MATN2: variants seen among roughly 807,000 people sequenced by gnomAD.
The protein encoded by MATN2 is matrilin-2.
Under a neutral mutation model 103.2 loss-of-function variants are expected in MATN2, and 69 were observed. The observed-to-expected ratio is 0.67, with a 90% CI of 0.55 to 0.82. MATN2 has a LOEUF of 0.82. MATN2 is among the 40% of genes least tolerant of loss of function. MATN2 has a pLI of 0.00. For synonymous variants in MATN2, 429 were observed against 450.2 expected, an observed-to-expected ratio of 0.95 and a Z score of 0.60; for missense variants, 1,023 against 1,211.5, an observed-to-expected ratio of 0.84 and a Z score of 2.31.
rs78231817 is a variant in MATN2 at position 97,989,682 on chromosome 8, G to T, written c.1082-4798G>T. Among the ~76,000 whole-genome samples, 12 of 151,900 alleles carry T rather than the reference G, an allele frequency of 7.9e-5. No individual in the cohort carries two copies. In the East Asian group the frequency reaches 2.3e-3, roughly 29 times the overall value. ...TAAGACAGAGAAAGATCAATAAATG[G>T]TACCTAGATTGTTAAAAAAAAACAC... On this transcript the variant is annotated intron_variant, in intron 6 of 18. Transcript: ENST00000254898.
chr8:97,928,816 A>C (rs1489402173), intron 2 of MATN2, among the ~76,000 whole-genome samples: 5 of 152,188 alleles, frequency 3.3e-5, no homozygotes, highest in African/African-American at 7.2e-5. Flanking sequence ...AACGAGGTGG[A>C]TATTGGTTGC....
Position 98,005,830 on chromosome 8 carries a change from T to C in MATN2, c.1328-1275T>C, listed in dbSNP as rs1232970736. Among the ~76,000 whole-genome samples the C allele has an allele frequency of 6.6e-6, 1 of 152,232 alleles. No homozygotes were observed. Among genetic ancestry groups the C allele is most frequent in the Non-Finnish European group, 1.5e-5 (1 of 68,042 alleles). ...AAGGGCAAACTGTGACACAAAGGGA[T>C]TAAGTCACTGTCCTGGGGTCCTGTG... On this transcript the variant is annotated intron_variant, in intron 8 of 18. Coordinates refer to ENST00000254898, the MANE Select transcript of MATN2 (RefSeq NM_002380.5). The surrounding 1 kb of genome is among the most constrained non-coding windows in gnomAD (Gnocchi z 4.6).
At chr8:98,034,874 A>G (rs1814178808) in intron 18 of MATN2, among the ~76,000 whole-genome samples, 1 of 151,774 alleles carries the variant, frequency 6.6e-6, no homozygotes, top group South Asian at 2.1e-4. Flanking sequence ...GTGCTATGGC[A>G]AACTAATTTG....
At chr8:97,929,789 G>A (rs1037529) in intron 2 of MATN2, among the ~76,000 whole-genome samples, 64,378 of 151,960 alleles carry the variant, frequency 0.42, 14,783 homozygotes, top group East Asian at 0.83. Context: ...TCCAGAAATT[G>A]TGTATACCAT....
intron 14 of MATN2, among the ~76,000 whole-genome samples, chr8:98,029,793 G>GTT (rs1813942483): frequency 1.3e-5 from 2 of 152,178 alleles, no homozygotes; most frequent in South Asian, 4.1e-4. Context: ...TTCTTATTGT[G>GTT]TTTTACTTTC....
At chr8:97,885,178 G>A (rs942962843) in intron 1 of MATN2, among the ~76,000 whole-genome samples, 6 of 152,170 alleles carry the variant, frequency 3.9e-5, no homozygotes, top group African/African-American at 1.2e-4. Flanking sequence ...CATATGCCTC[G>A]GAGTGGAAGT....
In MATN2 at chr8:98,027,819, C is replaced by G. The variant is rs1326953739; in HGVS notation, c.2346C>G (p.Ala782=). The G allele has an allele frequency of 6.4e-7, 1 of 1,570,188 alleles. No homozygotes were observed. Among genetic ancestry groups the G allele is most frequent in the African/African-American group, 1.4e-5 (1 of 73,134 alleles). ...QDDVSEWASK[A]KANGITMYAV... ...ACGTCTCCGAGTGGGCCAGTAAAGC[C>G]AAGGCCAATGGTAATATGGGGTGGA... Residue 782 remains alanine, a synonymous_variant, in exon 14 of 19, where the codon GCC becomes GCG. Transcript: ENST00000254898.
chr8:98,030,672 TTG>T, intron 15 of MATN2, 58 bp downstream of exon 15: 1 of 1,556,132 alleles, frequency 6.4e-7, no homozygotes, highest in Non-Finnish European at 8.7e-7. Flanking sequence ...TCCTTTTTTT[TTG>T]TTTTTTGAGA....
At chr8:97,933,535 C>T (rs1810270607) in intron 3 of MATN2, among the ~76,000 whole-genome samples, 1 of 135,084 alleles carries the variant, frequency 7.4e-6, no homozygotes, top group Non-Finnish European at 1.6e-5. Flanking sequence ...CCCCCCACCC[C>T]CGCAATCCTG....
intron 5 of MATN2, among the ~76,000 whole-genome samples, chr8:97,972,436 T>C (rs578045725): frequency 1.3e-5 from 2 of 152,306 alleles, no homozygotes; most frequent in South Asian, 4.1e-4. Context: ...AAGAGAGGTT[T>C]TGTGAGTCTG....
At chr8:97,893,196 A>G (rs1409270460) in intron 2 of MATN2, among the ~76,000 whole-genome samples, 1 of 152,178 alleles carries the variant, frequency 6.6e-6, no homozygotes, top group African/African-American at 2.4e-5. Context: ...GCAGGCTGCA[A>G]CAGGAGAAGG....
intron 10 of MATN2, among the ~76,000 whole-genome samples, chr8:98,012,603 C>T (rs1248159331): frequency 2.0e-5 from 3 of 152,072 alleles, no homozygotes; most frequent in African/African-American, 4.8e-5. Context: ...AGCCTGGGGA[C>T]GCCGGCGGGA....
In MATN2 at chr8:97,921,148, G is replaced by T. The variant is rs565880879; in HGVS notation, c.143-9805G>T. Among the ~76,000 whole-genome samples the T allele has an allele frequency of 4.3e-4, 66 of 152,274 alleles. 1 individual carries two copies. The South Asian group carries it at 0.011, about 26-fold the overall frequency. ...TTTCTGGGCCTGTCTGTGTTACTCA[G>T]CTTATTAACAGTTCCTCCCAGCATC... On this transcript the variant is annotated intron_variant, in intron 2 of 18. Transcript: ENST00000254898.
At chr8:97,915,124 C>A (rs1809578075) in intron 2 of MATN2, among the ~76,000 whole-genome samples, 1 of 152,208 alleles carries the variant, frequency 6.6e-6, no homozygotes, top group East Asian at 1.9e-4. Flanking sequence ...GTAACTGGGA[C>A]TACAGGCGCA....
At chr8:97,963,132 T>G (rs1811366921) in intron 5 of MATN2, among the ~76,000 whole-genome samples, 1 of 152,186 alleles carries the variant, frequency 6.6e-6, no homozygotes. Flanking sequence ...GAGACTCATC[T>G]CAAACAAACA....
chr8:97,892,252 GA>G (rs1278492269), intron 2 of MATN2, among the ~76,000 whole-genome samples: 273 of 137,460 alleles, frequency 2.0e-3, no homozygotes, highest in African/African-American at 4.9e-3. Context: ...AAAAAAGAAA[GA>G]AAAAAAAAAA....
Position 98,027,617 on chromosome 8 carries a change from C to T in MATN2, c.2144C>T (p.Ala715Val). The change falls in exon 14 of 19, where the codon GCC becomes GTC. Residue 715 changes from alanine (A) to valine (V), a missense_variant. Physicochemically the swap from Ala to Val is moderately conservative, Grantham distance 64. Transcript: ENST00000254898. ...TEFTLRNFNS[A>V]KDMKKAVAHM... ...TTCACTCTGAGAAACTTCAACTCAGCCAAAGACATGAAAAAAGCCGTGGCC... is the reference window on the plus strand; with the variant it reads ...TTCACTCTGAGAAACTTCAACTCAGTCAAAGACATGAAAAAAGCCGTGGCC... 6.2e-7 allele frequency: 1 copy of T among 1,613,690 alleles called. No individual in the cohort carries two copies. The highest frequency in any genetic ancestry group is 8.5e-7 in the Non-Finnish European group (1 of 1,179,736).
chr8:97,909,435 TTTTTC>T (rs1819285685), intron 2 of MATN2, among the ~76,000 whole-genome samples: 1 of 152,338 alleles, frequency 6.6e-6, no homozygotes, highest in African/African-American at 2.4e-5. Context: ...TTTTGTTTTC[TTTTTC>T]TTTTCTTTTT....
chr8:97,925,686 G>A (rs575169319), intron 2 of MATN2, among the ~76,000 whole-genome samples: 1 of 152,300 alleles, frequency 6.6e-6, no homozygotes, highest in South Asian at 2.1e-4. Flanking sequence ...GGAAGAGACT[G>A]AGGGTCACAC....
Sources: allele counts gnomAD v4.1 joint callset (sites outside exome capture counted in the v4.1 genomes callset), GRCh38; gene constraint gnomAD v4.1.1; non-coding constraint Gnocchi (gnomAD v3.1); transcripts MANE v1.5; gene names NCBI Gene and HGNC (gene_info 2026-07-23, HGNC 2026-07-21).